Variants in CAMK1D observed in about 807,000 individuals in gnomAD.
CAMK1D encodes calcium/calmodulin dependent protein kinase ID.
Under a neutral mutation model 47.7 loss-of-function variants are expected in CAMK1D, and 9 were observed. That is an observed-to-expected ratio of 0.19 (90% confidence interval 0.11 to 0.33). The LOEUF is 0.33. CAMK1D is among the 10% of genes least tolerant of loss of function. The pLI is 1.00. For synonymous variants in CAMK1D, 184 were observed against 184.9 expected (o/e 0.99, Z 0.04); for missense variants, 291 against 488.7 (o/e 0.60, Z 3.81).
intron 6 of CAMK1D, among the ~76,000 whole-genome samples, chr10:12,809,105 A>C (rs965164674): frequency 1.4e-5 from 2 of 139,458 alleles, no homozygotes; most frequent in South Asian, 2.2e-4. Context: ...CAACAGAGTG[A>C]AACTCTGTCT....
chr10:12,444,034 C>T (rs1832860621), intron 1 of CAMK1D, among the ~76,000 whole-genome samples: 1 of 152,168 alleles, frequency 6.6e-6, no homozygotes, highest in South Asian at 2.1e-4. Flanking sequence ...CTGTCGTTAC[C>T]ATGGCATTTG....
At chr10:12,447,219 A>G (rs1339282555) in intron 1 of CAMK1D, among the ~76,000 whole-genome samples, 1 of 152,202 alleles carries the variant, frequency 6.6e-6, no homozygotes, top group African/African-American at 2.4e-5. Context: ...CGAAGTCATT[A>G]TCAATACTGG....
chr10:12,677,295 C>T (rs964452664), intron 3 of CAMK1D, among the ~76,000 whole-genome samples: 5 of 151,914 alleles, frequency 3.3e-5, no homozygotes, highest in African/African-American at 7.3e-5. Flanking sequence ...AGCATAATAA[C>T]GAAGAAAAAA....
At chr10:12,782,410 T>G (rs1837539954) in intron 5 of CAMK1D, among the ~76,000 whole-genome samples, 1 of 152,232 alleles carries the variant, frequency 6.6e-6, no homozygotes, top group African/African-American at 2.4e-5. Flanking sequence ...AATTCTCTAC[T>G]GAAATGTGTG....
chr10:12,828,669 C>T (rs76602137), intron 10 of CAMK1D, 100 bp from the exon 11 acceptor site: 6 of 883,348 alleles, frequency 6.8e-6, no homozygotes, highest in African/African-American at 5.1e-5. Context: ...GGCCCCCCCG[C>T]CCCCCACCAT....
intron 1 of CAMK1D, among the ~76,000 whole-genome samples, chr10:12,521,036 T>C (rs1835400252): frequency 6.6e-6 from 1 of 151,644 alleles, no homozygotes; most frequent in African/African-American, 2.4e-5. Flanking sequence ...TGGCTAGAGG[T>C]TTATCAGTTT....
intron 2 of CAMK1D, among the ~76,000 whole-genome samples, chr10:12,663,446 C>T (rs1840337797): frequency 6.6e-6 from 1 of 152,132 alleles, no homozygotes; most frequent in South Asian, 2.1e-4. Flanking sequence ...TCCCTCAAAT[C>T]TGTGCAGGAT....
At chr10:12,767,708 CAA>C (rs879650803) in intron 4 of CAMK1D, among the ~76,000 whole-genome samples, 1 of 152,182 alleles carries the variant, frequency 6.6e-6, no homozygotes, top group Non-Finnish European at 1.5e-5. Context: ...AGATAAGAGA[CAA>C]AGAGTTGCTT....
chr10:12,722,302 C>T (rs1286721461), intron 3 of CAMK1D, among the ~76,000 whole-genome samples: 6 of 151,434 alleles, frequency 4.0e-5, no homozygotes, highest in African/African-American at 9.7e-5. Flanking sequence ...AACAATTAGC[C>T]GGGCTTGGTG....
At position 12,374,664 on chromosome 10, in the gene CAMK1D, C is replaced by T. The variant is rs551574483; in HGVS notation, c.92+24754C>T. 5.3e-5 allele frequency among the ~76,000 whole-genome samples: 8 copies of T among 152,158 alleles called. No individual in the cohort carries two copies. In the East Asian group the frequency reaches 9.7e-4, roughly 18 times the overall value. ...TTTTTTTAGAAATATTTCTGTGGAC[C>T]GGGCGCATTGGCTCATGCCTGTAAT... On this transcript the variant is annotated intron_variant, in intron 1 of 10. Transcript: ENST00000619168.
rs1564430462 is a variant in CAMK1D at position 12,588,885 on chromosome 10, C to CGT, written c.224+35531_224+35532dup. 1.5e-3 allele frequency among the ~76,000 whole-genome samples: 74 copies of CGT among 48,672 alleles called. 1 individual carries two copies. Among genetic ancestry groups the CGT allele is most frequent in the African/African-American group, 2.7e-3 (51 of 18,604 alleles). 31.9% of individuals were successfully genotyped at this position (48,672 alleles called of 152,430 possible). ...GTATATATGTGTGTGTGTGTGTGTG[C>CGT]GTGCGTGTGTGTGTGTGTGTATATA... On this transcript the variant is annotated intron_variant, in intron 2 of 10. Transcript: ENST00000619168.
At chr10:12,472,228 C>T (rs796358236) in intron 1 of CAMK1D, among the ~76,000 whole-genome samples, 3 of 152,182 alleles carry the variant, frequency 2.0e-5, no homozygotes, top group African/African-American at 4.8e-5. Flanking sequence ...TTCATTTCCC[C>T]CTTGCCTGTC....
At chr10:12,678,706 C>T (rs1375407068) in intron 3 of CAMK1D, among the ~76,000 whole-genome samples, 1 of 152,146 alleles carries the variant, frequency 6.6e-6, no homozygotes, top group Non-Finnish European at 1.5e-5. Flanking sequence ...TGAATTAACA[C>T]TTTTATCATT....
intron 2 of CAMK1D, among the ~76,000 whole-genome samples, chr10:12,604,214 T>G (rs1474083257): frequency 6.6e-6 from 1 of 152,178 alleles, no homozygotes; most frequent in East Asian, 1.9e-4. Flanking sequence ...ACCAAGCCTG[T>G]GCCTGGTACA....
At chr10:12,350,444 G>A (rs949030568) in intron 1 of CAMK1D, among the ~76,000 whole-genome samples, 3 of 152,254 alleles carry the variant, frequency 2.0e-5, no homozygotes, top group African/African-American at 7.2e-5. Flanking sequence ...GAAGGGCTTC[G>A]CAGTGCTCAG....
intron 2 of CAMK1D, among the ~76,000 whole-genome samples, chr10:12,575,934 C>T (rs578018553): frequency 6.6e-6 from 1 of 152,294 alleles, no homozygotes; most frequent in South Asian, 2.1e-4. Context: ...CGCAAGCACA[C>T]AAGAGGATAA....
chr10:12,441,580 A>AGGCGG (rs1832785691), intron 1 of CAMK1D, among the ~76,000 whole-genome samples: 2 of 151,648 alleles, frequency 1.3e-5, no homozygotes, highest in Admixed American at 1.3e-4. Context: ...TGGGAGGCTG[A>AGGCGG]GGCGGGTGGA....
At chr10:12,398,381 T>A (rs1380286053) in intron 1 of CAMK1D, among the ~76,000 whole-genome samples, 1 of 152,170 alleles carries the variant, frequency 6.6e-6, no homozygotes, top group Non-Finnish European at 1.5e-5. Flanking sequence ...GGAGTTTCAC[T>A]CTTGTTGCCC....
chr10:12,447,722 A>C (rs1458660427), intron 1 of CAMK1D, among the ~76,000 whole-genome samples: 1 of 152,208 alleles, frequency 6.6e-6, no homozygotes, highest in Non-Finnish European at 1.5e-5. Flanking sequence ...ATTGATTTTA[A>C]GTTAATTTTG....
Sources: gnomAD v4.1 joint callset for allele counts (sites outside exome capture counted in the v4.1 genomes callset) on GRCh38, gnomAD v4.1.1 for gene constraint, MANE v1.5 for transcripts, NCBI Gene and HGNC (gene_info 2026-07-23, HGNC 2026-07-21) for gene names.